RMDN1: variants seen among roughly 807,000 people sequenced by gnomAD.
RMDN1 encodes the protein regulator of microtubule dynamics 1, also known as regulator of microtubule dynamics protein 1.
A neutral mutation model predicts 48.9 loss-of-function variants in RMDN1; 48 were observed. The observed-to-expected ratio is 0.98, with a 90% CI of 0.78 to 1.25. The LOEUF is 1.25. RMDN1 is among the 50% of genes most tolerant of loss of function. RMDN1 has a pLI of 0.00. For synonymous variants in RMDN1, 148 were observed against 132.6 expected, an observed-to-expected ratio of 1.12 and a Z score of -0.80; for missense variants, 418 against 373.4, an observed-to-expected ratio of 1.12 and a Z score of -0.98.
chr8:86,484,718 CAAA>C (rs34599016), intron 5 of RMDN1, 151 bp downstream of exon 5: 2,907 of 271,726 alleles, frequency 0.011, no homozygotes, highest in South Asian at 0.016. Context: ...AACTCCGTCT[CAAA>C]AAAAAAAAAA....
rs1354324383 is a variant in RMDN1, at chr8:86,503,366, C to CAAAAAAAAAAA, written c.247+3628_247+3629insTTTTTTTTTTT. 1.3e-3 allele frequency among the ~76,000 whole-genome samples: 89 copies of CAAAAAAAAAAA among 70,298 alleles called. 1 individual carries two copies. Among genetic ancestry groups the CAAAAAAAAAAA allele is most frequent in the Non-Finnish European group, 2.2e-3 (61 of 27,758 alleles). The allele number at this position is 70,298 out of a possible 152,430, so 46.1% of individuals were successfully genotyped here. A position where few individuals can be genotyped will look rare whatever the true frequency, so the allele number is the denominator to read the frequency against. ...GACTCCGTCTCAAAACAAAACAAAA[C>CAAAAAAAAAAA]AAAACAAAAAAAAAAAAAAAAAACA... On this transcript the variant is annotated intron_variant, in intron 2 of 9. Coordinates refer to ENST00000406452, the MANE Select transcript of RMDN1 (RefSeq NM_016033.3).
In RMDN1 at chr8:86,503,934, G is replaced by C. The variant is rs1464379553; in HGVS notation, c.247+3061C>G. ...GTAAAGCAGCTGAGTTGGTTGAAAT[G>C]CTGACCCTGGGCTGCTTGGTTATTG... On this transcript the variant is annotated intron_variant, in intron 2 of 9. Coordinates refer to ENST00000406452, the MANE Select transcript of RMDN1 (RefSeq NM_016033.3). 1.1e-5 allele frequency: 8 copies of C among 740,140 alleles called. No individual in the cohort carries two copies. In the African/African-American group the frequency reaches 1.4e-4, roughly 13 times the overall value. 45.8% of individuals were successfully genotyped at this position (740,140 alleles called of 1,614,324 possible).
chr8:86,501,964 C>T lies in RMDN1; in HGVS notation c.247+5031G>A, dbSNP rs1011321077. Among the ~76,000 whole-genome samples the T allele has an allele frequency of 8.6e-5, 13 of 151,036 alleles. No individual in the cohort carries two copies. The South Asian group carries it at 2.7e-3, about 32-fold the overall frequency. The stretch of plus-strand genomic sequence containing the variant: ...CAGTGCAGGGCTTCTCAATTATCTG[C>T]TTTTTTAACGGAAAGATAATCACAG... On this transcript the variant is annotated intron_variant, in intron 2 of 9. Transcript: ENST00000406452.
chr8:86,508,287 C>A, intron 1 of RMDN1: 1 of 519,410 alleles, frequency 1.9e-6, no homozygotes, highest in Non-Finnish European at 3.3e-6. Context: ...AACCCCACTC[C>A]TTCTCTGACA....
intron 9 of RMDN1, 160 bp from the exon 10 acceptor site, chr8:86,474,518 C>G (rs1813034852): frequency 1.4e-6 from 1 of 692,466 alleles, no homozygotes; most frequent in African/African-American, 1.8e-5. Context: ...ACTCTCAGCT[C>G]TTCCACTTTA....
At chr8:86,503,082 G>A (rs1292749974) in intron 2 of RMDN1, among the ~76,000 whole-genome samples, 5 of 152,196 alleles carry the variant, frequency 3.3e-5, no homozygotes, top group Admixed American at 6.5e-5. Flanking sequence ...GGCCAGGTGC[G>A]GTGGCTCACG....
chr8:86,507,025 G>C lies in RMDN1; in HGVS notation c.217C>G (p.Gln73Glu), dbSNP rs1417517323. The stretch of plus-strand genomic sequence containing the variant: ...GCTGTGGCATGAACCACAGCAGCCT[G>C]AGAGATAACCTGGTAAGTTTCAAAA... ...LGFETYQVIS[Q>E]AAVVHATAKV... Residue 73 changes from glutamine to glutamate, a missense_variant, in exon 2 of 10, where the codon CAG becomes GAG. Gln to Glu is a conservative substitution (Grantham distance 29). Coordinates refer to ENST00000406452, the MANE Select transcript of RMDN1 (RefSeq NM_016033.3). The C allele has an allele frequency of 6.2e-7, 1 of 1,610,286 alleles. No individual in the cohort carries two copies. The highest frequency in any genetic ancestry group is 2.2e-5 in the East Asian group (1 of 44,860).
At chr8:86,480,467 TTTC>T (rs1814192750) in intron 5 of RMDN1, 135 bp from the exon 6 acceptor site, 3 of 501,026 alleles carry the variant, frequency 6.0e-6, no homozygotes, top group Admixed American at 3.6e-5. Context: ...TAATATCAAC[TTTC>T]TTCCTCCTGA....
intron 4 of RMDN1, among the ~76,000 whole-genome samples, chr8:86,485,541 G>A (rs1348541161): frequency 6.6e-6 from 1 of 152,140 alleles, no homozygotes; most frequent in Non-Finnish European, 1.5e-5. Flanking sequence ...ATGAGATAAT[G>A]GTTCATGTTT....
chr8:86,473,976 C>A lies in RMDN1; in HGVS notation c.*332G>T, dbSNP rs1563575791. ...TCCCCCTGTATATCCCCTATAGATC[C>A]ATTTCCCCTCCTCTACAAATATTTC... On this transcript the variant is annotated 3_prime_UTR_variant, in exon 10 of 10. Transcript: ENST00000406452. The A allele has an allele frequency of 9.4e-7, 1 of 1,064,044 alleles. No homozygotes were observed. Among genetic ancestry groups the A allele is most frequent in the Admixed American group, 5.0e-5 (1 of 20,180 alleles). 65.9% of individuals were successfully genotyped at this position (1,064,044 alleles called of 1,614,324 possible). A position where few individuals can be genotyped will look rare whatever the true frequency, so the allele number is the denominator to read the frequency against.
At chr8:86,503,371 C>CAAAAAAAAACAAAAAAAAAAAAAA (rs1563656222) in intron 2 of RMDN1, among the ~76,000 whole-genome samples, 1 of 68,038 alleles carries the variant, frequency 1.5e-5, no homozygotes, top group Non-Finnish European at 2.5e-5. Flanking sequence ...CAAAACAAAA[C>CAAAAAAAAACAAAAAAAAAAAAAA]AAAAAAAAAA....
rs751450183 is a variant in RMDN1, at chr8:86,488,539, C to T, written c.335+13G>A. 6.3e-7 allele frequency: 1 copy of T among 1,583,942 alleles called. No individual in the cohort carries two copies. The highest frequency in any genetic ancestry group is 1.1e-5 in the South Asian group (1 of 88,000). ...AGGAAACCACAAGCCTAGGCCTATC[C>T]TACATTGCTTACCTTTCCTTGTATT... On this transcript the variant is annotated intron_variant, in intron 3 of 9. Transcript: ENST00000406452.
Position 86,473,244 on chromosome 8 carries a change from C to CGTGT in RMDN1, c.*1063_*1064insACAC. On this transcript the variant is annotated 3_prime_UTR_variant, in exon 10 of 10. Transcript: ENST00000406452. ...ATCCTTTGGGAAAAATCCACCTACA[C>CGTGT]ACACAGTCTGTCTTTATCTAAGTGG... is the stretch of plus-strand genomic sequence containing the variant. 1 of 985,212 alleles carries CGTGT rather than the reference C, an allele frequency of 1.0e-6. No individual in the cohort carries two copies. The highest frequency in any genetic ancestry group is 1.2e-6 in the Non-Finnish European group (1 of 829,878). 61.0% of individuals were successfully genotyped at this position (985,212 alleles called of 1,614,324 possible). A position where few individuals can be genotyped will look rare whatever the true frequency, so the allele number is the denominator to read the frequency against.
At chr8:86,471,707 C>G (rs1298447562), downstream of RMDN1, among the ~76,000 whole-genome samples, 1 of 151,968 alleles carries the variant, frequency 6.6e-6, no homozygotes, top group African/African-American at 2.4e-5. Flanking sequence ...AACAAAAAGG[C>G]TAAAAGAAAA....
chr8:86,489,969 T>C (rs1452097142), intron 2 of RMDN1, among the ~76,000 whole-genome samples: 1 of 152,090 alleles, frequency 6.6e-6, no homozygotes, highest in Non-Finnish European at 1.5e-5. Flanking sequence ...AGAAATTAAA[T>C]GACAATGGCA....
intron 4 of RMDN1, 89 bp downstream of exon 4, chr8:86,486,395 T>C (rs1211222621): frequency 2.5e-5 from 23 of 913,792 alleles, no homozygotes; most frequent in Admixed American, 6.8e-5. Flanking sequence ...AATAGAGAAA[T>C]TGTTCTTCCA....
In RMDN1 at chr8:86,477,295, T is replaced by G. The variant is rs1304026557; in HGVS notation, c.759A>C (p.Gln253His). ...KALGYFHRAE[Q>H]VDPNFYSKNL... The stretch of plus-strand genomic sequence containing the variant: ...TATGTGTAATCAAAAATACCTTACC[T>G]TGTTCTGCCCTGTGAAAGTAGCCTA... Residue 253 changes from glutamine to histidine, a missense_variant and splice_region_variant, in exon 8 of 10, where the codon CAA (glutamine) becomes CAC (histidine). Gln to His is a conservative substitution (Grantham distance 24, BLOSUM62 0). Transcript: ENST00000406452. The G allele has an allele frequency of 6.3e-7, 1 of 1,599,942 alleles. No individual in the cohort carries two copies. Among genetic ancestry groups the G allele is most frequent in the Admixed American group, 1.7e-5 (1 of 58,088 alleles).
intron 5 of RMDN1, 42 bp downstream of exon 5, chr8:86,484,828 AAT>A (rs775094301): frequency 7.1e-5 from 92 of 1,292,218 alleles, no homozygotes; most frequent in Admixed American, 2.6e-4. Flanking sequence ...TATTCAGAAA[AAT>A]ATGACTTTTA....
chr8:86,486,955 G>A (rs192138796), intron 3 of RMDN1, among the ~76,000 whole-genome samples: 17 of 152,182 alleles, frequency 1.1e-4, no homozygotes, highest in Non-Finnish European at 1.8e-4. Context: ...ATATTAACTT[G>A]AGGTTTGGCC....
Sources: allele counts gnomAD v4.1 joint callset (sites outside exome capture counted in the v4.1 genomes callset), GRCh38; gene constraint gnomAD v4.1.1; transcripts MANE v1.5; gene names NCBI Gene and HGNC (gene_info 2026-07-23, HGNC 2026-07-21).